The following TTLL7 variants were observed in gnomAD, a reference collection of about 807,000 sequenced individuals.
TTLL7 encodes the protein tubulin tyrosine ligase like 7, also known as tubulin polyglutamylase TTLL7.
TTLL7 carries 53 observed loss-of-function variants against 120.2 expected under a neutral mutation model. The observed-to-expected ratio is 0.44, with a 90% CI of 0.35 to 0.55. TTLL7 has a LOEUF of 0.55. Among genes scored for constraint, TTLL7 ranks in the 20% least tolerant of loss-of-function variants. The pLI is 0.00. For synonymous variants in TTLL7, 353 were observed against 351.7 expected (o/e 1.00, Z -0.04); for missense variants, 803 against 1,054.7 (o/e 0.76, Z 3.31).
At chr1:83,888,686 A>T (rs2100721881) in intron 19 of TTLL7, among the ~76,000 whole-genome samples, 1 of 152,056 alleles carries the variant, frequency 6.6e-6, no homozygotes, top group Non-Finnish European at 1.5e-5. Context: ...AAAACGACAA[A>T]TTTTTAAGAG....
chr1:83,893,254 T>G (rs1448200996), intron 18 of TTLL7, among the ~76,000 whole-genome samples: 2 of 152,044 alleles, frequency 1.3e-5, no homozygotes, highest in African/African-American at 2.4e-5. Flanking sequence ...CTATGATTAA[T>G]CTGGACCACT....
At chr1:83,918,939 T>C (rs577258920) in intron 13 of TTLL7, among the ~76,000 whole-genome samples, 34 of 152,032 alleles carry the variant, frequency 2.2e-4, no homozygotes, top group Non-Finnish European at 4.1e-4. Flanking sequence ...TGCTCCCTTT[T>C]AGAATCCTGA....
intron 1 of TTLL7, among the ~76,000 whole-genome samples, chr1:83,966,060 A>T (rs1040957732): frequency 6.6e-6 from 1 of 152,194 alleles, no homozygotes; most frequent in Non-Finnish European, 1.5e-5. Flanking sequence ...TTCAAATACC[A>T]GTCTGGATGT....
chr1:83,949,747 T>C, intron 4 of TTLL7, 118 bp downstream of exon 4: 1 of 1,114,548 alleles, frequency 9.0e-7, no homozygotes, highest in South Asian at 1.4e-5. Flanking sequence ...AACAGGCTAT[T>C]CAGGTGAGTA....
At chr1:83,950,473 G>A (rs753731288) in intron 3 of TTLL7, among the ~76,000 whole-genome samples, 2 of 152,162 alleles carry the variant, frequency 1.3e-5, no homozygotes, top group Non-Finnish European at 2.9e-5. Context: ...CTTAGGACGT[G>A]AAATAATGAA....
rs1557598294 is a variant in TTLL7 at position 83,903,952 on chromosome 1, A to G, written c.2208+127T>C. 1.1e-5 allele frequency: 8 copies of G among 736,554 alleles called. No homozygotes were observed. In the East Asian group the frequency reaches 1.6e-4, roughly 15 times the overall value. 45.6% of individuals were successfully genotyped at this position (736,554 alleles called of 1,614,324 possible). ...GTGCCTGACACATAATAGATACTTAATAAGTGTTTGTTGAAGAAATGAGTA... is the reference window on the plus strand; with the variant it reads ...GTGCCTGACACATAATAGATACTTAGTAAGTGTTTGTTGAAGAAATGAGTA... On this transcript the variant is annotated intron_variant, in intron 18 of 20. Transcript: ENST00000260505.
At chr1:83,942,386 T>A in intron 7 of TTLL7, 77 bp downstream of exon 7, 1 of 1,213,970 alleles carries the variant, frequency 8.2e-7, no homozygotes, top group Non-Finnish European at 1.2e-6. Flanking sequence ...TCATACAATC[T>A]ATATGCCTAA....
intron 10 of TTLL7, among the ~76,000 whole-genome samples, chr1:83,928,148 GCA>G (rs2100811679): frequency 1.3e-5 from 2 of 152,142 alleles, no homozygotes; most frequent in South Asian, 4.2e-4. Flanking sequence ...CAAAAGACAT[GCA>G]CACACAACAA....
At chr1:83,990,061 A>G (rs1490845570) in intron 1 of TTLL7, among the ~76,000 whole-genome samples, 1 of 151,966 alleles carries the variant, frequency 6.6e-6, no homozygotes, top group Non-Finnish European at 1.5e-5. Flanking sequence ...GAAACTGTAT[A>G]ACAGCTGTTT....
intron 1 of TTLL7, among the ~76,000 whole-genome samples, chr1:83,963,120 A>C (rs912790064): frequency 1.3e-5 from 2 of 152,122 alleles, no homozygotes; most frequent in Non-Finnish European, 2.9e-5. Flanking sequence ...CTACTTCCTC[A>C]TTCTCAAAGC....
intron 12 of TTLL7, 117 bp downstream of exon 12, chr1:83,920,970 G>T: frequency 9.1e-7 from 1 of 1,100,712 alleles, no homozygotes. Flanking sequence ...TAAGCAAAAA[G>T]CACTTGCTTG....
At chr1:83,922,295 G>A (rs1461061964) in intron 10 of TTLL7, among the ~76,000 whole-genome samples, 1 of 152,120 alleles carries the variant, frequency 6.6e-6, no homozygotes, top group African/African-American at 2.4e-5. Context: ...AGGCTGGTAG[G>A]GCCCAGATAA....
intron 18 of TTLL7, among the ~76,000 whole-genome samples, chr1:83,903,469 T>G (rs533930045): frequency 6.6e-6 from 1 of 152,112 alleles, no homozygotes; most frequent in South Asian, 2.1e-4. Flanking sequence ...CCTCTCCACC[T>G]GTGAGGACTG....
intron 8 of TTLL7, 125 bp from the exon 9 acceptor site, chr1:83,933,891 G>C: frequency 1.2e-6 from 1 of 812,862 alleles, no homozygotes; most frequent in Non-Finnish European, 1.9e-6. Flanking sequence ...TCTAGCCCCT[G>C]CCACTGCTCT....
At chr1:83,887,354 G>A (rs992653199) in intron 19 of TTLL7, 43 of 541,212 alleles carry the variant, frequency 7.9e-5, no homozygotes, top group Non-Finnish European at 1.2e-4. Context: ...TTTTCACCAT[G>A]ACCATTAGGC....
intron 1 of TTLL7, among the ~76,000 whole-genome samples, chr1:83,974,234 A>C (rs964874133): frequency 1.2e-4 from 18 of 152,056 alleles, no homozygotes; most frequent in Non-Finnish European, 2.6e-4. Flanking sequence ...ACTAAGTATT[A>C]CGAACACATA....
Position 83,919,742 on chromosome 1 carries a change from G to C in TTLL7, c.1457C>G (p.Ala486Gly), listed in dbSNP as rs1658489135. ...AFQTFLSGRA[A>G]SFQRELNNPL... ...ATTATTCAACTCTCGCTGGAATGAA[G>C]CTGCTCTTCCTGAAAGGAAGGTCTG... is the stretch of plus-strand genomic sequence containing the variant. Residue 486 changes from alanine to glycine, a missense_variant, in exon 13 of 21, where the codon GCT (alanine) becomes GGT (glycine). By Grantham distance (60) the Ala-to-Gly change is moderately conservative. Coordinates refer to ENST00000260505, the MANE Select transcript of TTLL7 (RefSeq NM_024686.6). The C allele has an allele frequency of 6.2e-7, 1 of 1,612,734 alleles. No individual in the cohort carries two copies. Among genetic ancestry groups the C allele is most frequent in the Admixed American group, 1.7e-5 (1 of 59,940 alleles).
intron 15 of TTLL7, among the ~76,000 whole-genome samples, chr1:83,909,187 G>C (rs1657465919): frequency 6.7e-6 from 1 of 150,172 alleles, no homozygotes. Context: ...TTATGGTAAT[G>C]GTTTGGTTGT....
chr1:83,981,544 G>A (rs1007295085), intron 1 of TTLL7: 1 of 152,086 alleles, frequency 6.6e-6, no homozygotes, highest in Non-Finnish European at 1.5e-5. Context: ...AATCAACAAA[G>A]GTAGGCCAGG....
Sources: gnomAD v4.1 joint callset for allele counts (sites outside exome capture counted in the v4.1 genomes callset) on GRCh38, gnomAD v4.1.1 for gene constraint, MANE v1.5 for transcripts, NCBI Gene and HGNC (gene_info 2026-07-23, HGNC 2026-07-21) for gene names.